OSBPL10: variants seen among roughly 807,000 people sequenced by gnomAD.
OSBPL10 encodes the protein oxysterol binding protein like 10.
OSBPL10 carries 49 observed loss-of-function variants against 81.7 expected under a neutral mutation model. The ratio of observed to expected loss-of-function variants is 0.60; its 90% confidence interval spans 0.48 to 0.76. The LOEUF (loss-of-function observed/expected upper bound fraction) is 0.76. OSBPL10 is among the 30% of genes least tolerant of loss of function. The probability of loss-of-function intolerance (pLI) is 0.00; values close to 1 mark genes in which losing one functional copy is unlikely to be tolerated. For synonymous variants in OSBPL10, 419 were observed against 383.6 expected, an observed-to-expected ratio of 1.09 and a Z score of -1.08; for missense variants, 923 against 987.8, an observed-to-expected ratio of 0.93 and a Z score of 0.88.
chr3:32,044,513 G>T (rs12172934), intron 2 of OSBPL10, among the ~76,000 whole-genome samples: 1 of 151,290 alleles, frequency 6.6e-6, no homozygotes, highest in South Asian at 2.1e-4. Context: ...AGGCCAAGGC[G>T]GGCAGATCAC....
intron 4 of OSBPL10, among the ~76,000 whole-genome samples, chr3:31,759,779 C>T (rs1425715076): frequency 6.6e-6 from 1 of 151,468 alleles, no homozygotes; most frequent in East Asian, 1.9e-4. Flanking sequence ...TTTTTTTTTC[C>T]CCAAGAGTCT....
chr3:31,788,582 A>G (rs572767597), intron 4 of OSBPL10, among the ~76,000 whole-genome samples: 2 of 152,184 alleles, frequency 1.3e-5, no homozygotes, highest in Non-Finnish European at 2.9e-5. Context: ...CCTTTTCTCT[A>G]ACATTCAAGG....
chr3:31,848,992 A>C (rs1700698818), intron 3 of OSBPL10, among the ~76,000 whole-genome samples: 1 of 152,220 alleles, frequency 6.6e-6, no homozygotes. Flanking sequence ...TTTCCACCTG[A>C]ATCTGGCTGG....
intron 3 of OSBPL10, among the ~76,000 whole-genome samples, chr3:31,871,650 C>T (rs192641143): frequency 2.6e-4 from 40 of 152,302 alleles, no homozygotes; most frequent in African/African-American, 7.9e-4. Flanking sequence ...GCAGGAGGAT[C>T]GCTTGAGCCC....
intron 1 of OSBPL10, among the ~76,000 whole-genome samples, chr3:32,076,300 A>G (rs768085331): frequency 4.1e-4 from 63 of 152,116 alleles, no homozygotes; most frequent in Non-Finnish European, 8.2e-4. Flanking sequence ...CCCAGGAGGC[A>G]GAGCTTGTAG....
chr3:31,825,967 CTT>C (rs1285667597), intron 4 of OSBPL10, among the ~76,000 whole-genome samples: 1 of 152,162 alleles, frequency 6.6e-6, no homozygotes, highest in African/African-American at 2.4e-5. Flanking sequence ...CGACATGACT[CTT>C]ATCTTAAATT....
intron 4 of OSBPL10, among the ~76,000 whole-genome samples, chr3:31,817,262 A>T (rs1157220343): frequency 6.6e-6 from 1 of 152,152 alleles, no homozygotes; most frequent in East Asian, 1.9e-4. Context: ...CCCTTCTAGC[A>T]GGACTCTCTC....
At chr3:31,948,168 T>G (rs1316369654) in intron 1 of OSBPL10, among the ~76,000 whole-genome samples, 1 of 152,186 alleles carries the variant, frequency 6.6e-6, no homozygotes, top group African/African-American at 2.4e-5. Flanking sequence ...CTGGGTGCCC[T>G]GACCCAGTAA....
intron 2 of OSBPL10, among the ~76,000 whole-genome samples, chr3:32,044,058 A>G (rs905496916): frequency 1.3e-4 from 20 of 152,156 alleles, no homozygotes; most frequent in Non-Finnish European, 2.2e-4. Flanking sequence ...CAATATACCA[A>G]TGTAACAAGC....
At chr3:31,829,756 G>A (rs9310981) in intron 4 of OSBPL10, among the ~76,000 whole-genome samples, 1,893 of 152,302 alleles carry the variant, frequency 0.012, 40 homozygotes, top group African/African-American at 0.043. Flanking sequence ...TGCTATGAGC[G>A]TGGATTTAAC....
intron 1 of OSBPL10, among the ~76,000 whole-genome samples, chr3:31,944,649 T>C (rs906848814): frequency 6.6e-6 from 1 of 150,980 alleles, no homozygotes; most frequent in Non-Finnish European, 1.5e-5. Flanking sequence ...CTATAATACA[T>C]AATGCCTATA....
At chr3:31,750,571 G>A (rs537226277) in intron 4 of OSBPL10, among the ~76,000 whole-genome samples, 30 of 152,292 alleles carry the variant, frequency 2.0e-4, no homozygotes, top group East Asian at 3.9e-4. Context: ...AAGATAAAAC[G>A]TCTATGTATT....
rs1559476460 is a variant in OSBPL10, at chr3:31,812,798, GAAAGAAAGAAAGAAAGAA to G, written c.729+17224_729+17241del. On this transcript the variant is annotated intron_variant, in intron 4 of 11. Transcript: ENST00000396556. ...AGAAAGAAAGAAAGAAAGAAAGAAA[GAAAGAAAGAAAGAAAGAA>G]AGAGAAAGAAAGAAAGAAAGAAAGA... Among the ~76,000 whole-genome samples the G allele has an allele frequency of 1.3e-3, 62 of 48,342 alleles. 2 individuals carry two copies. The highest frequency in any genetic ancestry group is 2.1e-3 in the South Asian group (2 of 936). The allele number at this position is 48,342 out of a possible 152,430, so 31.7% of individuals were successfully genotyped here.
intron 2 of OSBPL10, among the ~76,000 whole-genome samples, chr3:32,024,471 C>A (rs935463580): frequency 1.4e-5 from 2 of 145,752 alleles, no homozygotes; most frequent in Middle Eastern, 3.3e-3. Context: ...ATTTTATTTA[C>A]GTATTGTGAA....
intron 4 of OSBPL10, among the ~76,000 whole-genome samples, chr3:31,749,891 C>T (rs144975480): frequency 8.6e-5 from 13 of 151,868 alleles, no homozygotes; most frequent in Non-Finnish European, 1.9e-4. Context: ...TTTAAAATTG[C>T]ACCTCCAGGC....
intron 1 of OSBPL10, among the ~76,000 whole-genome samples, chr3:31,894,815 G>A (rs1414709213): frequency 6.6e-6 from 1 of 152,184 alleles, no homozygotes; most frequent in African/African-American, 2.4e-5. Flanking sequence ...GAGAACGCTA[G>A]TTTTTAGTCG....
rs145137550 is a variant in OSBPL10, at chr3:32,053,889, G to A, written n.186-7286C>T. Among the ~76,000 whole-genome samples the A allele has an allele frequency of 2.6e-4, 40 of 152,224 alleles. No individual in the cohort carries two copies. In the East Asian group the frequency reaches 2.7e-3, roughly 10 times the overall value. On this transcript the variant is annotated intron_variant and non_coding_transcript_variant, in intron 1 of 3. Transcript: ENST00000479173. ...TGAGGCAAGAGAATCACTTGAACAC[G>A]GGAGGCAGACAGAGATTGCAGTGAG...
chr3:32,018,016 C>T (rs977603352), intron 2 of OSBPL10, among the ~76,000 whole-genome samples: 1 of 151,944 alleles, frequency 6.6e-6, no homozygotes, highest in Non-Finnish European at 1.5e-5. Context: ...GGCTTGGTGG[C>T]GGGCGCCTGT....
chr3:31,848,921 C>A (rs1207614884), intron 3 of OSBPL10, among the ~76,000 whole-genome samples: 1 of 152,218 alleles, frequency 6.6e-6, no homozygotes, highest in African/African-American at 2.4e-5. Flanking sequence ...ACTTCAGGAT[C>A]CCTTTCATTA....
Sources: allele counts gnomAD v4.1 joint callset (sites outside exome capture counted in the v4.1 genomes callset), GRCh38; gene constraint gnomAD v4.1.1; transcripts MANE v1.5; gene names NCBI Gene and HGNC (gene_info 2026-07-23, HGNC 2026-07-21).